ATG7: variants seen among roughly 807,000 people sequenced by gnomAD.
ATG7 encodes the protein autophagy related 7.
ATG7 carries 70 observed loss-of-function variants against 82.4 expected under a neutral mutation model. The ratio of observed to expected loss-of-function variants is 0.85; its 90% confidence interval spans 0.70 to 1.04. ATG7 has a LOEUF of 1.04. Among genes scored for constraint, ATG7 ranks in the 50% least tolerant of loss-of-function variants. The pLI is 0.00. For synonymous variants in ATG7, 287 were observed against 313.0 expected, an observed-to-expected ratio of 0.92 and a Z score of 0.88; for missense variants, 792 against 864.3, an observed-to-expected ratio of 0.92 and a Z score of 1.05.
chr3:11,411,550 G>A (rs2080893496), intron 19 of ATG7, among the ~76,000 whole-genome samples: 1 of 144,572 alleles, frequency 6.9e-6, no homozygotes, highest in Admixed American at 7.1e-5. Context: ...AACCTGGGAG[G>A]TGGAGGTTGC....
chr3:11,560,035 C>T (rs945361048), downstream of ATG7, among the ~76,000 whole-genome samples: 12 of 152,074 alleles, frequency 7.9e-5, no homozygotes, highest in Non-Finnish European at 1.6e-4. Flanking sequence ...CTGCCCTGTG[C>T]ACAGCCTCAC....
chr3:11,357,180 A>G (rs2606737), intron 14 of ATG7, among the ~76,000 whole-genome samples: 132,534 of 152,230 alleles, frequency 0.87, 58,029 homozygotes, highest in East Asian at 1. Context: ...ATGGCCAGTG[A>G]TATACAGGGG....
At chr3:11,335,114 G>C (rs1056687086) in intron 11 of ATG7, among the ~76,000 whole-genome samples, 1 of 151,952 alleles carries the variant, frequency 6.6e-6, no homozygotes, top group African/African-American at 2.4e-5. Flanking sequence ...GAGTACTTCT[G>C]CTTGATCAAA....
chr3:11,417,492 A>C (rs1298067706), intron 19 of ATG7, among the ~76,000 whole-genome samples: 1 of 152,118 alleles, frequency 6.6e-6, no homozygotes, highest in Non-Finnish European at 1.5e-5. Context: ...AGATACTTCT[A>C]CTTACTTTTC....
rs1390626193 is a variant in ATG7, at chr3:11,499,512, G to A, written c.2080-55299G>A. Among the ~76,000 whole-genome samples, 4 of 152,214 alleles carry A rather than the reference G, an allele frequency of 2.6e-5. No individual in the cohort carries two copies. In the East Asian group the frequency reaches 5.8e-4, roughly 22 times the overall value. On this transcript the variant is annotated intron_variant, in intron 20 of 20. Transcript: ENST00000693202. Reference sequence around the variant, plus strand: ...TGCAATCCCAGCACTTTGGGAGGCCGAGGAGGGCGGATCACCTGAGGTCAG... The same window carrying A: ...TGCAATCCCAGCACTTTGGGAGGCCAAGGAGGGCGGATCACCTGAGGTCAG...
At chr3:11,301,807 T>A (rs1192460828) in intron 5 of ATG7, among the ~76,000 whole-genome samples, 3 of 152,214 alleles carry the variant, frequency 2.0e-5, no homozygotes, top group Non-Finnish European at 4.4e-5. Flanking sequence ...CTCATATTTA[T>A]CTCAGACTAA....
intron 19 of ATG7, among the ~76,000 whole-genome samples, chr3:11,420,753 CTTTT>C (rs869277638): frequency 4.8e-5 from 6 of 126,038 alleles, no homozygotes; most frequent in African/African-American, 1.2e-4. Context: ...ATACAAAATA[CTTTT>C]TTTTTTTTTT....
chr3:11,545,369 C>T lies in ATG7; in HGVS notation c.2080-9442C>T, dbSNP rs773756255. ...GGACACCCCAGAAGAACCACGGTGA[C>T]GGATACCTGTGGGGACAACAGATCC... On this transcript the variant is annotated intron_variant, in intron 20 of 20. Transcript: ENST00000693202. Among the ~76,000 whole-genome samples, 4 of 152,224 alleles carry T rather than the reference C, an allele frequency of 2.6e-5. 1 individual carries two copies. Among genetic ancestry groups the T allele is most frequent in the East Asian group, 3.8e-4 (2 of 5,196 alleles).
chr3:11,469,577 C>T (rs970605001), intron 20 of ATG7, among the ~76,000 whole-genome samples: 3 of 152,178 alleles, frequency 2.0e-5, no homozygotes, highest in African/African-American at 4.8e-5. Context: ...CTTGGCCTTT[C>T]ACCTGAGGAA....
intron 3 of ATG7, among the ~76,000 whole-genome samples, chr3:11,291,523 C>T (rs1038077527): frequency 6.6e-6 from 1 of 152,132 alleles, no homozygotes; most frequent in African/African-American, 2.4e-5. Context: ...CTCCCAGTGT[C>T]TCAGTTTTCT....
At chr3:11,287,416 G>C (rs1944267098) in intron 3 of ATG7, among the ~76,000 whole-genome samples, 1 of 152,190 alleles carries the variant, frequency 6.6e-6, no homozygotes, top group Non-Finnish European at 1.5e-5. Context: ...AGACAGAGGG[G>C]CTGTGAGTTC....
chr3:11,471,125 G>C (rs962695385), intron 20 of ATG7, among the ~76,000 whole-genome samples: 1 of 152,176 alleles, frequency 6.6e-6, no homozygotes, highest in East Asian at 1.9e-4. Context: ...GCAACCAGGC[G>C]GCCCTTTTGG....
chr3:11,567,664 CA>C, the ATG7 span, among the ~76,000 whole-genome samples: 1 of 152,200 alleles, frequency 6.6e-6, no homozygotes, highest in African/African-American at 2.4e-5. Context: ...TGATCCCAGA[CA>C]CCGATGTCAC....
At chr3:11,406,884 G>T (rs1165115846) in intron 19 of ATG7, among the ~76,000 whole-genome samples, 1 of 152,110 alleles carries the variant, frequency 6.6e-6, no homozygotes, top group Non-Finnish European at 1.5e-5. Flanking sequence ...AATTATGGGA[G>T]CCACAAGATG....
At chr3:11,399,822 C>T (rs1168654206) in intron 19 of ATG7, among the ~76,000 whole-genome samples, 1 of 152,182 alleles carries the variant, frequency 6.6e-6, no homozygotes, top group Admixed American at 6.5e-5. Context: ...AATCTGCCCA[C>T]CTCGGCCTCC....
intron 20 of ATG7, among the ~76,000 whole-genome samples, chr3:11,530,706 A>G (rs1462676871): frequency 6.6e-6 from 1 of 152,068 alleles, no homozygotes; most frequent in East Asian, 1.9e-4. Context: ...TCTACCTTTA[A>G]AATGAAGCCT....
the ATG7 span, among the ~76,000 whole-genome samples, chr3:11,569,125 A>G: frequency 6.6e-6 from 1 of 152,192 alleles, no homozygotes; most frequent in African/African-American, 2.4e-5. Context: ...CCATCACGTG[A>G]AAGAAGTGCA....
chr3:11,448,204 C>T (rs1429446166), intron 20 of ATG7, among the ~76,000 whole-genome samples: 2 of 152,212 alleles, frequency 1.3e-5, no homozygotes, highest in Non-Finnish European at 1.5e-5. Flanking sequence ...TCCTTACCAC[C>T]ACCTCCAAAC....
At chr3:11,455,672 C>T (rs914649592) in intron 20 of ATG7, among the ~76,000 whole-genome samples, 5 of 152,202 alleles carry the variant, frequency 3.3e-5, no homozygotes, top group African/African-American at 1.2e-4. Flanking sequence ...CAGACCGGGG[C>T]TGTCTTAACC....
Sources: allele counts gnomAD v4.1 joint callset (sites outside exome capture counted in the v4.1 genomes callset), GRCh38; gene constraint gnomAD v4.1.1; transcripts MANE v1.5; gene names NCBI Gene and HGNC (gene_info 2026-07-23, HGNC 2026-07-21).